The following TMEM132D variants were observed in gnomAD, a reference collection of about 807,000 sequenced individuals.
The protein encoded by TMEM132D is mature OL transmembrane protein.
A neutral mutation model predicts 62.3 loss-of-function variants in TMEM132D; 21 were observed. That is an observed-to-expected ratio of 0.34 (90% CI 0.24 to 0.49). The LOEUF (loss-of-function observed/expected upper bound fraction) is 0.49, where lower values mean the gene tolerates loss of function less well. Among genes scored for constraint, TMEM132D ranks in the 20% least tolerant of loss-of-function variants. The pLI is 0.99. For missense variants in TMEM132D, 1,346 were observed against 1,402.8 expected, an observed-to-expected ratio of 0.96 and a Z score of 0.65; for synonymous variants, 621 against 575.6, an observed-to-expected ratio of 1.08 and a Z score of -1.13.
intron 1 of TMEM132D, among the ~76,000 whole-genome samples, chr12:129,874,475 G>A (rs747437122): frequency 4.6e-5 from 7 of 151,148 alleles, no homozygotes; most frequent in Admixed American, 6.6e-5. Context: ...TGATGAATGC[G>A]TTCATTAACT....
chr12:129,478,958 G>T (rs1217202869), intron 3 of TMEM132D, among the ~76,000 whole-genome samples: 1 of 152,230 alleles, frequency 6.6e-6, no homozygotes, highest in Non-Finnish European at 1.5e-5. Context: ...CATGCATGAA[G>T]ATATATTTGT....
intron 2 of TMEM132D, among the ~76,000 whole-genome samples, chr12:129,585,062 G>T (rs2137129888): frequency 6.6e-6 from 1 of 152,210 alleles, no homozygotes; most frequent in Non-Finnish European, 1.5e-5. Context: ...TAAAGAAATG[G>T]ATACAAATAA....
At chr12:129,762,987 G>A (rs921886726) in intron 1 of TMEM132D, among the ~76,000 whole-genome samples, 2 of 152,092 alleles carry the variant, frequency 1.3e-5, no homozygotes, top group African/African-American at 4.8e-5. Context: ...AGCGCTCCAC[G>A]GCACCTTTTC....
chr12:129,408,288 G>T lies in TMEM132D; in HGVS notation c.1116-70471C>A, dbSNP rs563734164. Among the ~76,000 whole-genome samples the T allele has an allele frequency of 1.8e-4, 27 of 152,192 alleles. No individual in the cohort carries two copies. In the South Asian group the frequency reaches 2.9e-3, roughly 16 times the overall value. On this transcript the variant is annotated intron_variant, in intron 3 of 8. Transcript: ENST00000422113. ...GCTATTTTAAGCATCTGTTTTTCTA[G>T]AGGAATTTTAGAATTATTTTGTTAT...
intron 3 of TMEM132D, among the ~76,000 whole-genome samples, chr12:129,357,178 T>G (rs1349347020): frequency 3.5e-5 from 5 of 141,034 alleles, no homozygotes. Flanking sequence ...ACCCAGGAGG[T>G]GGAGCTTGCA....
chr12:129,328,620 TG>T (rs1262583725), intron 4 of TMEM132D, among the ~76,000 whole-genome samples: 1 of 152,248 alleles, frequency 6.6e-6, no homozygotes, highest in Non-Finnish European at 1.5e-5. Context: ...GCAGTGGCTT[TG>T]TGCATAATAA....
intron 4 of TMEM132D, among the ~76,000 whole-genome samples, chr12:129,211,320 T>C (rs958489974): frequency 6.6e-6 from 1 of 152,128 alleles, no homozygotes; most frequent in African/African-American, 2.4e-5. Flanking sequence ...TAGTTGCTGG[T>C]TAGGGTGGAT....
intron 2 of TMEM132D, among the ~76,000 whole-genome samples, chr12:129,561,669 C>T (rs1877238433): frequency 6.6e-6 from 1 of 152,226 alleles, no homozygotes; most frequent in Non-Finnish European, 1.5e-5. Context: ...TATCATTATG[C>T]ATCACCATGA....
Position 129,700,725 on chromosome 12 carries a change from C to T in TMEM132D, c.80-27G>A, listed in dbSNP as rs561105662. 42 of 1,572,144 alleles carry T rather than the reference C, an allele frequency of 2.7e-5. No homozygotes were observed. In the South Asian group the frequency reaches 4.5e-4, roughly 17 times the overall value. ...TGTGGGGAGGGAATCGCAGTGCAGG[C>T]GTTAGTAATGCTAAGGTCCTGTTAC... On this transcript the variant is annotated intron_variant, in intron 1 of 8. Coordinates refer to ENST00000422113, the MANE Select transcript of TMEM132D (RefSeq NM_133448.3).
chr12:129,532,518 G>T (rs1423627051), intron 2 of TMEM132D, among the ~76,000 whole-genome samples: 1 of 152,158 alleles, frequency 6.6e-6, no homozygotes, highest in African/African-American at 2.4e-5. Context: ...TATTTCCCAT[G>T]GAAACAATTT....
intron 4 of TMEM132D, among the ~76,000 whole-genome samples, chr12:129,317,974 G>C (rs1868541818): frequency 1.3e-5 from 2 of 152,078 alleles, no homozygotes; most frequent in Admixed American, 6.6e-5. Context: ...CTAAAAATAT[G>C]TCCAAATTTC....
At chr12:129,832,033 C>CT (rs1872855699) in intron 1 of TMEM132D, among the ~76,000 whole-genome samples, 3 of 72,884 alleles carry the variant, frequency 4.1e-5, no homozygotes, top group Non-Finnish European at 8.6e-5. Flanking sequence ...CCATGCCCGG[C>CT]TCTTTTTTTT....
intron 2 of TMEM132D, among the ~76,000 whole-genome samples, chr12:129,601,202 A>G (rs1422118930): frequency 6.6e-6 from 1 of 152,160 alleles, no homozygotes; most frequent in Non-Finnish European, 1.5e-5. Context: ...CTTAAATCTC[A>G]TGAAACAACC....
chr12:129,420,306 GTTTTTTTTTT>G (rs71082709), intron 3 of TMEM132D, among the ~76,000 whole-genome samples: 23,485 of 112,702 alleles, frequency 0.21, 2,196 homozygotes, highest in Middle Eastern at 0.24. Context: ...CACGTTCTCT[GTTTTTTTTTT>G]TTTTTTTTTT....
intron 4 of TMEM132D, among the ~76,000 whole-genome samples, chr12:129,234,627 G>C (rs1222519578): frequency 6.6e-6 from 1 of 152,182 alleles, no homozygotes; most frequent in Admixed American, 6.5e-5. Flanking sequence ...ATGAAGCATA[G>C]TGCATGAAGT....
chr12:129,640,799 G>A (rs1879623168), intron 2 of TMEM132D, among the ~76,000 whole-genome samples: 1 of 152,150 alleles, frequency 6.6e-6, no homozygotes, highest in African/African-American at 2.4e-5. Context: ...TGTATTTACA[G>A]CCACTCCCCA....
At chr12:129,696,769 G>T (rs1024786373) in intron 2 of TMEM132D, among the ~76,000 whole-genome samples, 1 of 152,168 alleles carries the variant, frequency 6.6e-6, no homozygotes, top group Non-Finnish European at 1.5e-5. Context: ...TAGAAGAAAA[G>T]GTTCCAGTGC....
At chr12:129,300,148 G>A (rs759441717) in intron 4 of TMEM132D, among the ~76,000 whole-genome samples, 5 of 152,180 alleles carry the variant, frequency 3.3e-5, no homozygotes, top group East Asian at 1.9e-4. Flanking sequence ...CCAAGTCATC[G>A]TAGAGGAGAT....
At chr12:129,379,993 TAC>T (rs1255435580) in intron 3 of TMEM132D, among the ~76,000 whole-genome samples, 1 of 152,222 alleles carries the variant, frequency 6.6e-6, no homozygotes, top group Non-Finnish European at 1.5e-5. Context: ...AAGAGTGACA[TAC>T]GTTTTAAGAA....
Sources: allele counts gnomAD v4.1 joint callset (sites outside exome capture counted in the v4.1 genomes callset), GRCh38; gene constraint gnomAD v4.1.1; transcripts MANE v1.5; gene names NCBI Gene and HGNC (gene_info 2026-07-23, HGNC 2026-07-21).